WIPF2: variants seen among roughly 807,000 people sequenced by gnomAD.
The protein encoded by WIPF2 is WAS/WASL-interacting protein family member 2.
Under a neutral mutation model 38.8 loss-of-function variants are expected in WIPF2, and 23 were observed. That is an observed-to-expected ratio of 0.59 (90% CI 0.43 to 0.84). The LOEUF (loss-of-function observed/expected upper bound fraction) is 0.84. Ranked by LOEUF, WIPF2 falls within the 40% of genes least tolerant of loss-of-function variation. WIPF2 has a pLI of 0.00. For missense variants in WIPF2, 574 were observed against 580.5 expected (o/e 0.99, Z 0.11); for synonymous variants, 210 against 223.2 (o/e 0.94, Z 0.53).
At chr17:40,260,985 C>T in intron 3 of WIPF2, 1 of 368,694 alleles carries the variant, frequency 2.7e-6, no homozygotes, top group South Asian at 2.2e-5. Flanking sequence ...GTCACTGCGC[C>T]ACTGCACTCC....
intron 1 of WIPF2, among the ~76,000 whole-genome samples, chr17:40,236,595 C>T (rs2030978019): frequency 6.7e-6 from 1 of 149,780 alleles, no homozygotes; most frequent in Admixed American, 6.7e-5. Flanking sequence ...CATGAGCTGC[C>T]TCACTCAGCC....
chr17:40,271,922 G>T (rs563018960), intron 5 of WIPF2, among the ~76,000 whole-genome samples: 67 of 152,106 alleles, frequency 4.4e-4, no homozygotes, highest in African/African-American at 1.5e-3. Context: ...ACATGCTTTT[G>T]ACGTTACCTT....
intron 1 of WIPF2, among the ~76,000 whole-genome samples, chr17:40,222,600 T>TGTGTGTCTGC (rs1555558394): frequency 1.0e-4 from 15 of 149,752 alleles, no homozygotes; most frequent in Admixed American, 4.7e-4. Context: ...TGTGTGTGTG[T>TGTGTGTCTGC]GTGTGTCTGC....
intron 5 of WIPF2, 45 bp downstream of exon 5, chr17:40,265,191 A>G (rs755562492): frequency 1.3e-6 from 2 of 1,536,078 alleles, no homozygotes; most frequent in Non-Finnish European, 1.8e-6. Flanking sequence ...CTGTGAGTTG[A>G]TTTTATCTTT....
intron 4 of WIPF2, among the ~76,000 whole-genome samples, chr17:40,263,556 C>G (rs1042869211): frequency 4.2e-5 from 6 of 143,610 alleles, no homozygotes; most frequent in Middle Eastern, 3.5e-3. Flanking sequence ...TCCCCCCCCC[C>G]CCCGCAAATG....
chr17:40,252,849 C>T (rs947415540), intron 1 of WIPF2, among the ~76,000 whole-genome samples: 7 of 151,698 alleles, frequency 4.6e-5, no homozygotes, highest in African/African-American at 7.2e-5. Context: ...CCACAACCTC[C>T]GCCTTCCAGG....
intron 1 of WIPF2, among the ~76,000 whole-genome samples, chr17:40,225,428 CTT>C (rs1419044038): frequency 2.6e-5 from 4 of 152,024 alleles, no homozygotes; most frequent in African/African-American, 9.7e-5. Context: ...TCTTAACTCT[CTT>C]TAAGATTTTG....
At chr17:40,228,266 C>T (rs1009370229) in intron 1 of WIPF2, among the ~76,000 whole-genome samples, 4 of 151,752 alleles carry the variant, frequency 2.6e-5, no homozygotes, top group East Asian at 1.9e-4. Flanking sequence ...CCGCCCGCCT[C>T]GGCCTCCCAA....
intron 3 of WIPF2, 69 bp from the exon 4 acceptor site, chr17:40,262,455 TC>T: frequency 8.0e-7 from 1 of 1,243,024 alleles, no homozygotes. Flanking sequence ...AGGAGTGGTT[TC>T]CCCTCATGAT....
intron 5 of WIPF2, among the ~76,000 whole-genome samples, chr17:40,265,724 A>G (rs550805162): frequency 6.6e-6 from 1 of 152,252 alleles, no homozygotes; most frequent in South Asian, 2.1e-4. Flanking sequence ...GCACTGCAGG[A>G]TTTTGCAAAG....
At chr17:40,273,274 A>G (rs1290988315) in intron 5 of WIPF2, among the ~76,000 whole-genome samples, 3 of 152,114 alleles carry the variant, frequency 2.0e-5, no homozygotes, top group Non-Finnish European at 2.9e-5. Flanking sequence ...AGCTCAGGCA[A>G]TCCTCCCGCC....
At chr17:40,269,734 A>G (rs530436128) in intron 5 of WIPF2, among the ~76,000 whole-genome samples, 129 of 148,066 alleles carry the variant, frequency 8.7e-4, no homozygotes, top group African/African-American at 2.9e-3. Context: ...CCTCCCGAGT[A>G]GCTGGGACTG....
chr17:40,267,746 G>C (rs1292762489), intron 5 of WIPF2, among the ~76,000 whole-genome samples: 1 of 152,126 alleles, frequency 6.6e-6, no homozygotes, highest in East Asian at 1.9e-4. Context: ...CGCCGTGTTG[G>C]CCAGGCTGGT....
At chr17:40,253,443 G>A (rs2031623293) in intron 1 of WIPF2, among the ~76,000 whole-genome samples, 1 of 152,150 alleles carries the variant, frequency 6.6e-6, no homozygotes, top group African/African-American at 2.4e-5. Context: ...TAAACCCAGG[G>A]GATGCAAAGA....
At chr17:40,265,325 ACAGT>A (rs888284008) in intron 5 of WIPF2, among the ~76,000 whole-genome samples, 179 bp downstream of exon 5, 1 of 152,226 alleles carries the variant, frequency 6.6e-6, no homozygotes, top group African/African-American at 2.4e-5. Flanking sequence ...AAAAAATTTG[ACAGT>A]CAAACTAGTA....
chr17:40,220,136 A>G (rs975426015), intron 1 of WIPF2, among the ~76,000 whole-genome samples: 1 of 151,274 alleles, frequency 6.6e-6, no homozygotes, highest in East Asian at 2.0e-4. Flanking sequence ...GTGAGGGAAG[A>G]TGGAATTTTT....
At chr17:40,221,611 C>G (rs553074229) in intron 1 of WIPF2, among the ~76,000 whole-genome samples, 2 of 148,558 alleles carry the variant, frequency 1.3e-5, no homozygotes, top group Non-Finnish European at 3.0e-5. Flanking sequence ...GACGGAGTCT[C>G]GCTCTTTCAC....
intron 2 of WIPF2, among the ~76,000 whole-genome samples, chr17:40,258,899 GCCT>G (rs1412941478): frequency 6.7e-6 from 1 of 150,274 alleles, no homozygotes; most frequent in East Asian, 2.0e-4. Flanking sequence ...GCTTGCTTCA[GCCT>G]CCTAAGTAGA....
intron 7 of WIPF2, among the ~76,000 whole-genome samples, chr17:40,277,690 G>GAA (rs1173982541): frequency 1.5e-5 from 2 of 131,052 alleles, no homozygotes; most frequent in African/African-American, 6.1e-5. Context: ...CAAAAAAAAA[G>GAA]AAAAAAAATT....
Sources: gnomAD v4.1 joint callset for allele counts (sites outside exome capture counted in the v4.1 genomes callset) on GRCh38, gnomAD v4.1.1 for gene constraint, MANE v1.5 for transcripts, NCBI Gene and HGNC (gene_info 2026-07-23, HGNC 2026-07-21) for gene names.